The following GRK1 variants were observed in gnomAD, a reference collection of about 807,000 sequenced individuals.
GRK1 encodes rhodopsin kinase GRK1.
Under a neutral mutation model 41.7 loss-of-function variants are expected in GRK1, and 28 were observed. The ratio of observed to expected loss-of-function variants is 0.67; its 90% CI spans 0.50 to 0.92. The LOEUF is 0.92. Among genes scored for constraint, GRK1 ranks in the 40% least tolerant of loss-of-function variants. The pLI is 0.00. For synonymous variants in GRK1, 327 were observed against 286.7 expected (o/e 1.14, Z -1.42); for missense variants, 703 against 671.2 (o/e 1.05, Z -0.52).
rs1320679932 is a variant in GRK1 at position 113,733,888 on chromosome 13, TGC to T, written c.1396+805_1396+806del. Among the ~76,000 whole-genome samples, 36 of 100,214 alleles carry T rather than the reference TGC, an allele frequency of 3.6e-4. 2 individuals are homozygous for T. The highest frequency in any genetic ancestry group is 1.8e-3 in the African/African-American group (35 of 19,954). 65.7% of individuals were successfully genotyped at this position (100,214 alleles called of 152,430 possible). ...GTGTGTGCGTGTGTGCATACGTGTG[TGC>T]GTGTGTGTATGTGTGCATACAGTGT... On this transcript the variant is annotated intron_variant, in intron 6 of 6. Coordinates refer to ENST00000335678, the MANE Select transcript of GRK1 (RefSeq NM_002929.3).
chr13:113,733,802 TCTGTG>T lies in GRK1; in HGVS notation c.1396+718_1396+722del, dbSNP rs765725941. Among the ~76,000 whole-genome samples the T allele has an allele frequency of 2.5e-3, 328 of 131,472 alleles. 10 individuals carry two copies. Among genetic ancestry groups the T allele is most frequent in the South Asian group, 0.022 (97 of 4,498 alleles). 86.3% of individuals were successfully genotyped at this position (131,472 alleles called of 152,430 possible). ...ACGTGTGTGCATGTGTGTATGTGTA[TCTGTG>T]TGCATACGTGTGTGCGTGTGTGTGC... On this transcript the variant is annotated intron_variant, in intron 6 of 6. Coordinates refer to ENST00000335678, the MANE Select transcript of GRK1 (RefSeq NM_002929.3).
chr13:113,731,175 A>G lies in GRK1; in HGVS notation c.1070-44A>G. 2 of 1,530,476 alleles carry G rather than the reference A, an allele frequency of 1.3e-6. No individual in the cohort carries two copies. Among genetic ancestry groups the G allele is most frequent in the East Asian group, 2.5e-5 (1 of 40,762 alleles). The allele number at this position is 1,530,476 out of a possible 1,614,324, so 94.8% of individuals were successfully genotyped here. On this transcript the variant is annotated intron_variant, in intron 4 of 6. Transcript: ENST00000335678. The surrounding 1 kb of genome is among the most constrained non-coding windows in gnomAD (Gnocchi z 5.6). The stretch of plus-strand genomic sequence containing the variant: ...GCGATTCCTGGAGTGCGTGCCCACC[A>G]TGGAGGTGACCACCTCTGAACCCGC...
At position 113,730,379 on chromosome 13, in the gene GRK1, C is replaced by A. The variant is rs191231402; in HGVS notation, c.1070-840C>A. On this transcript the variant is annotated intron_variant, in intron 4 of 6. Transcript: ENST00000335678. Reference sequence around the variant, plus strand: ...CCCCTCCATCCCGAGACAGTCCCCGCGGCTGAGCCCAGACCTGCCCCTCTA... The same window carrying A: ...CCCCTCCATCCCGAGACAGTCCCCGAGGCTGAGCCCAGACCTGCCCCTCTA... 5.2e-3 allele frequency among the ~76,000 whole-genome samples: 780 copies of A among 149,996 alleles called. 9 individuals carry two copies. The highest frequency in any genetic ancestry group is 0.018 in the African/African-American group (750 of 40,660).
chr13:113,652,765 G>A, the GRK1 span: 1,022 of 1,329,184 alleles, frequency 7.7e-4, 4 homozygotes, highest in African/African-American at 0.013. Flanking sequence ...TCCCTGTCCC[G>A]CTTGGGCAAG....
intron 6 of GRK1, 22 bp downstream of exon 6, chr13:113,733,107 C>T (rs745481170): frequency 5.9e-5 from 90 of 1,528,948 alleles, no homozygotes; most frequent in Non-Finnish European, 5.5e-5. Context: ...CGCCTCAGCC[C>T]CGGAGAGGGT....
chr13:113,732,507 C>T (rs1172859503), intron 5 of GRK1, among the ~76,000 whole-genome samples: 1 of 152,188 alleles, frequency 6.6e-6, no homozygotes, highest in African/African-American at 2.4e-5. Flanking sequence ...CTTGGCAGCA[C>T]TCCTGAAGAC....
chr13:113,665,949 A>C (rs2049815300), upstream of GRK1, among the ~76,000 whole-genome samples: 1 of 99,650 alleles, frequency 1.0e-5, no homozygotes, highest in African/African-American at 4.0e-5. Context: ...CCCCCAGTGC[A>C]TCCCAGGTGT....
At chr13:113,655,623 G>T in the GRK1 span, among the ~76,000 whole-genome samples, 1 of 152,242 alleles carries the variant, frequency 6.6e-6, no homozygotes, top group African/African-American at 2.4e-5. Flanking sequence ...CTGCCTGTGT[G>T]CTGTCTTCGT....
At chr13:113,733,679 G>A (rs1288419598) in intron 6 of GRK1, among the ~76,000 whole-genome samples, 19 of 144,012 alleles carry the variant, frequency 1.3e-4, no homozygotes, top group Non-Finnish European at 2.1e-4. Flanking sequence ...GCACGTGTGT[G>A]CATGTATGTG....
intron 4 of GRK1, among the ~76,000 whole-genome samples, chr13:113,727,403 CTG>C (rs1361245926): frequency 6.6e-6 from 1 of 151,850 alleles, no homozygotes; most frequent in East Asian, 1.9e-4. Context: ...GGCCTGTGGT[CTG>C]TGATCTGTGG....
rs1427794668 is a variant in GRK1 at position 113,668,016 on chromosome 13, G to A, written c.630G>A (p.Lys210=). 2 of 1,611,514 alleles carry A rather than the reference G, an allele frequency of 1.2e-6. No homozygotes were observed. Among genetic ancestry groups the A allele is most frequent in the African/African-American group, 1.3e-5 (1 of 74,892 alleles). ...GGGAGGTGTCGGCCTGCCAGATGAA[G>A]GCGACCGGCAAGCTGTATGCCTGCA... ...GFGEVSACQM[K]ATGKLYACKK... Residue 210 remains lysine, a synonymous_variant, in exon 1 of 7, where the codon AAG becomes AAA. Transcript: ENST00000335678.
the GRK1 span, among the ~76,000 whole-genome samples, chr13:113,653,606 T>G: frequency 2.0e-5 from 3 of 152,200 alleles, no homozygotes; most frequent in Non-Finnish European, 4.4e-5. Context: ...ACAGTCAGAA[T>G]GCAGCCTGGG....
At chr13:113,728,108 G>T (rs1594576671) in intron 4 of GRK1, among the ~76,000 whole-genome samples, 8 of 84,412 alleles carry the variant, frequency 9.5e-5, no homozygotes, top group African/African-American at 1.3e-4. Context: ...ATGGCAATGA[G>T]GAGTACCCAT....
intron 6 of GRK1, among the ~76,000 whole-genome samples, chr13:113,733,758 C>CAT (rs2049965616): frequency 1.1e-5 from 1 of 91,830 alleles, no homozygotes; most frequent in Admixed American, 1.1e-4. Context: ...CATGTGTGTG[C>CAT]GTGTGTATGT....
At chr13:113,724,730 T>C (rs2049880497) in intron 4 of GRK1, among the ~76,000 whole-genome samples, 2 of 152,186 alleles carry the variant, frequency 1.3e-5, no homozygotes, top group South Asian at 2.1e-4. Flanking sequence ...GGGGATCCCA[T>C]GGCTCAAGGA....
chr13:113,666,186 TCAGGTGTGCCC>T (rs1271466453), upstream of GRK1, among the ~76,000 whole-genome samples: 3 of 132,656 alleles, frequency 2.3e-5, no homozygotes, highest in Admixed American at 7.2e-5. Context: ...TTCAAGTGTC[TCAGGTGTGCCC>T]CAGGTGTGCC....
the GRK1 span, chr13:113,649,206 G>C: frequency 5.7e-5 from 36 of 631,202 alleles, 3 homozygotes; most frequent in South Asian, 8.8e-4. This position sits in a 1 kb window ranked among gnomAD's most constrained non-coding sequence, Gnocchi z 4.7. Context: ...CTCGCGAGCA[G>C]GTCCTTCAGA....
At position 113,671,798 on chromosome 13, in the gene GRK1, G is replaced by A. The variant is rs1412610792; in HGVS notation, c.985+142G>A. The A allele has an allele frequency of 2.6e-5, 17 of 654,420 alleles. No individual in the cohort carries two copies. Among genetic ancestry groups the A allele is most frequent in the South Asian group, 5.0e-5 (3 of 59,806 alleles). The allele number at this position is 654,420 out of a possible 1,614,324, so 40.5% of individuals were successfully genotyped here. On this transcript the variant is annotated intron_variant, in intron 3 of 6. Coordinates refer to ENST00000335678, the MANE Select transcript of GRK1 (RefSeq NM_002929.3). The surrounding 1 kb of genome is among the most constrained non-coding windows in gnomAD (Gnocchi z 4.1). ...CATGAGGGCTGACGGCTTCGTGGAC[G>A]GTGGAGGTGTCATCGGGCACCAGGA...
the GRK1 span, chr13:113,653,458 T>C: frequency 1.3e-6 from 2 of 1,595,904 alleles, no homozygotes; most frequent in Non-Finnish European, 8.6e-7. Flanking sequence ...CCTTTGTGCT[T>C]AGCGTCTCCA....
Sources: gnomAD v4.1 joint callset for allele counts (sites outside exome capture counted in the v4.1 genomes callset) on GRCh38, gnomAD v4.1.1 for gene constraint, Gnocchi (gnomAD v3.1) non-coding constraint, MANE v1.5 for transcripts, NCBI Gene and HGNC (gene_info 2026-07-23, HGNC 2026-07-21) for gene names.